Variants in DNMBP observed in about 807,000 individuals in gnomAD.
The protein encoded by DNMBP is dynamin-binding protein.
Under a neutral mutation model 150.0 loss-of-function variants are expected in DNMBP, and 87 were observed. The observed-to-expected ratio is 0.58, with a 90% CI of 0.49 to 0.69. The LOEUF (loss-of-function observed/expected upper bound fraction) is 0.69. DNMBP is among the 30% of genes least tolerant of loss of function. DNMBP has a pLI of 0.00. For synonymous variants in DNMBP, 711 were observed against 750.4 expected, an observed-to-expected ratio of 0.95 and a Z score of 0.86; for missense variants, 1,774 against 1,949.0, an observed-to-expected ratio of 0.91 and a Z score of 1.69.
intron 4 of DNMBP, among the ~76,000 whole-genome samples, chr10:99,921,115 G>T (rs969187340): frequency 6.6e-6 from 1 of 152,104 alleles, no homozygotes; most frequent in African/African-American, 2.4e-5. Flanking sequence ...TCCTCTCAGC[G>T]AGCCCAGAGA....
Position 99,908,940 on chromosome 10 carries a change from T to A in DNMBP, c.2454+13A>T, listed in dbSNP as rs1456312715. 4 of 1,608,834 alleles carry A rather than the reference T, an allele frequency of 2.5e-6. No homozygotes were observed. In the East Asian group the frequency reaches 6.7e-5, roughly 27 times the overall value. Reference sequence around the variant, plus strand: ...TATTCAAGGTCAAACTAACTCTGTCTCCCAGTTCCCACCTGTGCCTGCTGC... The same window carrying A: ...TATTCAAGGTCAAACTAACTCTGTCACCCAGTTCCCACCTGTGCCTGCTGC... On this transcript the variant is annotated intron_variant, in intron 5 of 16. Coordinates refer to ENST00000324109, the MANE Select transcript of DNMBP (RefSeq NM_015221.4).
intron 15 of DNMBP, 35 bp downstream of exon 15, chr10:99,883,976 T>TC: frequency 6.3e-7 from 1 of 1,582,332 alleles, no homozygotes; most frequent in South Asian, 1.1e-5. Context: ...ATTTTTTTTT[T>TC]CCAGTTACAG....
At chr10:99,881,493 C>A (rs936645611) in intron 15 of DNMBP, among the ~76,000 whole-genome samples, 4 of 152,218 alleles carry the variant, frequency 2.6e-5, no homozygotes, top group African/African-American at 9.6e-5. Context: ...TTTTTCATAA[C>A]ACTGTCAAGG....
At chr10:99,889,998 C>T (rs1489239248) in intron 11 of DNMBP, among the ~76,000 whole-genome samples, 1 of 152,190 alleles carries the variant, frequency 6.6e-6, no homozygotes, top group African/African-American at 2.4e-5. Flanking sequence ...CCTGGTTTCC[C>T]ATTCCTAAGC....
chr10:99,998,898 T>G (rs1198359623), intron 1 of DNMBP, among the ~76,000 whole-genome samples: 1 of 152,246 alleles, frequency 6.6e-6, no homozygotes, highest in African/African-American at 2.4e-5. Context: ...GTTGGATACA[T>G]GGACGTCAGA....
In DNMBP at chr10:99,881,753, C is replaced by T. The variant is rs2039370119; in HGVS notation, c.3998-1392G>A. Among the ~76,000 whole-genome samples, 6 of 152,268 alleles carry T rather than the reference C, an allele frequency of 3.9e-5. No homozygotes were observed. The South Asian group carries it at 1.2e-3, about 32-fold the overall frequency. On this transcript the variant is annotated intron_variant, in intron 15 of 16. Transcript: ENST00000324109. ...CTAACAGGCTCCATCCTCTGTCCTT[C>T]GTGTCCCACTTTTAATCTCTCGTTC... is the stretch of plus-strand genomic sequence containing the variant.
chr10:99,883,959 AACT>A (rs2039410935), intron 15 of DNMBP, 49 bp downstream of exon 15: 8 of 1,560,384 alleles, frequency 5.1e-6, no homozygotes, highest in South Asian at 2.3e-5. Context: ...GTGCAGCCAA[AACT>A]ACTATTTTTT....
intron 7 of DNMBP, 168 bp downstream of exon 7, chr10:99,899,751 A>C: frequency 1.2e-6 from 1 of 801,390 alleles, no homozygotes; most frequent in Admixed American, 2.1e-5. Context: ...TATACAGATA[A>C]AACTTATTCA....
chr10:99,955,009 T>C (rs996276689), intron 4 of DNMBP, among the ~76,000 whole-genome samples: 4 of 142,738 alleles, frequency 2.8e-5, no homozygotes, highest in Admixed American at 7.1e-5. Context: ...GCCAAGTTCA[T>C]GCCACTGCAC....
intron 6 of DNMBP, among the ~76,000 whole-genome samples, chr10:99,905,336 T>G (rs936747350): frequency 6.6e-6 from 1 of 152,242 alleles, no homozygotes; most frequent in Non-Finnish European, 1.5e-5. Flanking sequence ...GGCATTTGCC[T>G]GCACGACAGA....
rs578239765 is a variant in DNMBP, at chr10:99,972,955, T to C, written c.-10-821A>G. Among the ~76,000 whole-genome samples the C allele has an allele frequency of 2.0e-5, 3 of 152,292 alleles. No homozygotes were observed. In the South Asian group the frequency reaches 6.2e-4, roughly 32 times the overall value. On this transcript the variant is annotated intron_variant, in intron 1 of 16. Coordinates refer to ENST00000324109, the MANE Select transcript of DNMBP (RefSeq NM_015221.4). ...CACCACCATGCCCAACTAATTTTTG[T>C]ATTTTTAGTAGAGACAGGGTTTTGC...
chr10:99,882,770 T>TA (rs945851881), intron 15 of DNMBP, among the ~76,000 whole-genome samples: 6 of 151,386 alleles, frequency 4.0e-5, no homozygotes, highest in East Asian at 3.9e-4. Flanking sequence ...ATCAAGCATT[T>TA]AAAAAAAAAT....
intron 1 of DNMBP, among the ~76,000 whole-genome samples, chr10:99,974,672 GA>G (rs1011148107): frequency 6.6e-6 from 1 of 152,098 alleles, no homozygotes; most frequent in African/African-American, 2.4e-5. Context: ...GGTCTTGGTA[GA>G]GATGAATGAG....
chr10:99,971,311 T>TTTCCTTCC (rs71009794), intron 2 of DNMBP, among the ~76,000 whole-genome samples: 14 of 150,774 alleles, frequency 9.3e-5, no homozygotes, highest in African/African-American at 1.5e-4. Flanking sequence ...CTTTCTTTTC[T>TTTCCTTCC]TTCCTTCCTT....
At chr10:99,962,360 A>C (rs1174321645) in intron 3 of DNMBP, among the ~76,000 whole-genome samples, 5 of 152,220 alleles carry the variant, frequency 3.3e-5, no homozygotes, top group Admixed American at 6.5e-5. Flanking sequence ...GGCTGGGCGC[A>C]GTGGCTCACG....
At chr10:99,905,196 A>G (rs2039807523) in intron 6 of DNMBP, among the ~76,000 whole-genome samples, 1 of 152,134 alleles carries the variant, frequency 6.6e-6, no homozygotes, top group Non-Finnish European at 1.5e-5. Context: ...GCCCAACTCA[A>G]TGTGTGTATC....
At chr10:99,905,893 T>C (rs2039819251) in intron 6 of DNMBP, among the ~76,000 whole-genome samples, 1 of 152,160 alleles carries the variant, frequency 6.6e-6, no homozygotes, top group Non-Finnish European at 1.5e-5. Flanking sequence ...TTGCTTGACC[T>C]GGGTAATCGA....
intron 4 of DNMBP, among the ~76,000 whole-genome samples, chr10:99,924,866 T>C (rs1459138658): frequency 6.6e-6 from 1 of 152,330 alleles, no homozygotes; most frequent in African/African-American, 2.4e-5. Flanking sequence ...GTTTTTCTTA[T>C]CTTGGGAGAA....
chr10:99,930,251 T>TA (rs1357230624), intron 4 of DNMBP: 4 of 703,004 alleles, frequency 5.7e-6, no homozygotes, highest in Admixed American at 2.0e-5. Context: ...GAGGTTGACC[T>TA]AAATTCGCTG....
Sources: gnomAD v4.1 joint callset for allele counts (sites outside exome capture counted in the v4.1 genomes callset) on GRCh38, gnomAD v4.1.1 for gene constraint, MANE v1.5 for transcripts, NCBI Gene and HGNC (gene_info 2026-07-23, HGNC 2026-07-21) for gene names.